The following GRK7 variants were observed in gnomAD, a reference collection of about 807,000 sequenced individuals.
GRK7 encodes G protein-coupled receptor kinase 7.
Under a neutral mutation model 34.1 loss-of-function variants are expected in GRK7, and 24 were observed. That is an observed-to-expected ratio of 0.70 (90% CI 0.51 to 0.99). GRK7 has a LOEUF of 0.99. Ranked by LOEUF, GRK7 falls within the 50% of genes least tolerant of loss-of-function variation. The pLI is 0.00. For missense variants in GRK7, 644 were observed against 707.3 expected, an observed-to-expected ratio of 0.91 and a Z score of 1.02; for synonymous variants, 256 against 279.4, an observed-to-expected ratio of 0.92 and a Z score of 0.84.
upstream of GRK7, among the ~76,000 whole-genome samples, chr3:141,759,539 G>A (rs1160816587): frequency 7.0e-6 from 1 of 141,938 alleles, no homozygotes; most frequent in Non-Finnish European, 1.5e-5. Flanking sequence ...TTTTTGATGT[G>A]CTGCTGGATT....
chr3:141,808,711 T>A (rs1711061189), intron 5 of GRK7, among the ~76,000 whole-genome samples: 1 of 151,062 alleles, frequency 6.6e-6, no homozygotes, highest in African/African-American at 2.4e-5. Context: ...AAACTCCATC[T>A]CAAAAAAAAA....
intron 4 of GRK7, among the ~76,000 whole-genome samples, chr3:141,791,464 C>T (rs1197851558): frequency 1.3e-5 from 2 of 152,132 alleles, no homozygotes; most frequent in Non-Finnish European, 2.9e-5. Flanking sequence ...ACACTTTGGC[C>T]TGACCAAAAG....
intron 4 of GRK7, among the ~76,000 whole-genome samples, chr3:141,805,064 ACAC>A: frequency 7.4e-6 from 1 of 134,400 alleles, no homozygotes; most frequent in African/African-American, 2.5e-5. Context: ...ATGCCCACAC[ACAC>A]ACACACACAC....
At chr3:141,811,046 G>T (rs1711087794) in intron 5 of GRK7, among the ~76,000 whole-genome samples, 3 of 152,148 alleles carry the variant, frequency 2.0e-5, no homozygotes, top group Admixed American at 2.0e-4. Flanking sequence ...CGGGCGCGGT[G>T]TCTCATACCT....
rs766517806 is a variant in GRK7, at chr3:141,807,705, C to A, written c.1111C>A (p.Pro371Thr). The A allele has an allele frequency of 3.7e-6, 6 of 1,613,940 alleles. No homozygotes were observed. The highest frequency in any genetic ancestry group is 5.1e-6 in the Non-Finnish European group (6 of 1,179,924). The change falls in exon 5 of 6, where the codon CCT becomes ACT. Residue 371 changes from proline to threonine, a missense_variant. Transcript: ENST00000682958. ...AATGGAAAAGGTAAGTTATTCCTAT[C>A]CTGTGGACTGGTTTGCCATGGGATG... ...ILMEKVSYSY[P>T]VDWFAMGCSI...
Position 141,778,502 on chromosome 3 carries a change from TC to T in GRK7, c.220del (p.Leu74Ter), listed in dbSNP as rs1185493690. On this transcript the variant is annotated frameshift_variant, in exon 3 of 6. Transcript: ENST00000682958. LOFTEE classifies it high-confidence loss of function. This position sits in a 1 kb window ranked among gnomAD's most constrained non-coding sequence, Gnocchi z 4.1. ...QPIGRRLFRD[F>X]LATVPTFRKA... The stretch of plus-strand genomic sequence containing the variant: ...ATCGGTCGCCGCCTCTTCCGTGACT[TC>T]CTAGCCACAGTGCCCACGTTCCGCA... 6.2e-7 allele frequency: 1 copy of T among 1,613,140 alleles called. No homozygotes were observed. Among genetic ancestry groups the T allele is most frequent in the Non-Finnish European group, 8.5e-7 (1 of 1,179,972 alleles).
chr3:141,793,811 T>C (rs2084736982), intron 4 of GRK7, among the ~76,000 whole-genome samples: 1 of 152,172 alleles, frequency 6.6e-6, no homozygotes, highest in African/African-American at 2.4e-5. Context: ...GAAATAAAAA[T>C]ATAGGGCCTC....
intron 5 of GRK7, among the ~76,000 whole-genome samples, 157 bp from the exon 6 acceptor site, chr3:141,816,557 A>G (rs1384299306): frequency 2.0e-5 from 3 of 152,238 alleles, no homozygotes; most frequent in Non-Finnish European, 4.4e-5. Flanking sequence ...GGTGATTTCA[A>G]AAGTTATTAT....
chr3:141,807,607 G>A, intron 4 of GRK7, 38 bp from the exon 5 acceptor site: 2 of 1,588,178 alleles, frequency 1.3e-6, no homozygotes, highest in Non-Finnish European at 1.7e-6. Flanking sequence ...TAGTGTCTTT[G>A]TTCTGTGTTG....
intron 5 of GRK7, among the ~76,000 whole-genome samples, chr3:141,816,365 A>AAG (rs1711153316): frequency 6.6e-6 from 1 of 152,128 alleles, no homozygotes; most frequent in Non-Finnish European, 1.5e-5. Context: ...TGTGACCCTG[A>AAG]AGAGGCAATG....
At chr3:141,807,963 T>G in intron 5 of GRK7, 44 bp downstream of exon 5, 1 of 1,501,222 alleles carries the variant, frequency 6.7e-7, no homozygotes, top group Non-Finnish European at 8.9e-7. Flanking sequence ...ACCAGTATTG[T>G]CCACAGGGAT....
intron 3 of GRK7, 73 bp from the exon 4 acceptor site, chr3:141,780,301 T>C: frequency 7.8e-7 from 1 of 1,276,790 alleles, no homozygotes. Context: ...ACCCACCTCC[T>C]CCTTTATCAT....
intron 4 of GRK7, among the ~76,000 whole-genome samples, chr3:141,787,507 C>A (rs545702689): frequency 1.3e-5 from 2 of 151,944 alleles, no homozygotes; most frequent in South Asian, 4.2e-4. Context: ...ACCTGTAATC[C>A]CAGCTACTCA....
the GRK7 span, among the ~76,000 whole-genome samples, chr3:141,750,556 T>C: frequency 2.0e-5 from 3 of 152,192 alleles, no homozygotes; most frequent in Non-Finnish European, 4.4e-5. Flanking sequence ...GCAAGAACAG[T>C]GCTTGACACA....
intron 2 of GRK7, among the ~76,000 whole-genome samples, chr3:141,775,467 T>G (rs1290456343): frequency 6.6e-6 from 1 of 152,146 alleles, no homozygotes; most frequent in Admixed American, 6.5e-5. Context: ...AAACAGATGA[T>G]AAGAAAAACT....
intron 4 of GRK7, among the ~76,000 whole-genome samples, chr3:141,785,351 C>T (rs1168727058): frequency 6.6e-6 from 1 of 152,236 alleles, no homozygotes. Flanking sequence ...GACAAGACCT[C>T]TGTTAAAAAT....
rs1474700230 is a variant in GRK7 at position 141,765,743 on chromosome 3, G to T, written c.-215+5G>T. ...CAACCATAAGAGTGAGTCCAGGTGA[G>T]ACCAGCAAAGAGCTGCCCAATCAAA... is the stretch of plus-strand genomic sequence containing the variant. On this transcript the variant is annotated splice_donor_5th_base_variant and intron_variant, in intron 1 of 5. Coordinates refer to ENST00000682958, the MANE Select transcript of GRK7 (RefSeq NM_139209.3). 6.6e-6 allele frequency among the ~76,000 whole-genome samples: 1 copy of T among 152,178 alleles called. No homozygotes were observed. The highest frequency in any genetic ancestry group is 2.1e-4 in the South Asian group (1 of 4,828).
chr3:141,778,664 G>A lies in GRK7; in HGVS notation c.380G>A (p.Ser127Asn). 6.2e-7 allele frequency: 1 copy of A among 1,613,536 alleles called. No individual in the cohort carries two copies. Among genetic ancestry groups the A allele is most frequent in the East Asian group, 2.2e-5 (1 of 44,884 alleles). ...CCGGGGAACCCGCAACCCTTCCTCA[G>A]CCAGGCCGTGGCCACCAAGTGCCAA... is the stretch of plus-strand genomic sequence containing the variant. ...PAPGNPQPFLSQAVATKCQAA... is the reference protein window; with the variant it reads ...PAPGNPQPFLNQAVATKCQAA... Residue 127 changes from serine (S) to asparagine (N), a missense_variant, in exon 3 of 6, where the codon AGC becomes AAC. Transcript: ENST00000682958. This position sits in a 1 kb window ranked among gnomAD's most constrained non-coding sequence, Gnocchi z 4.1.
At chr3:141,752,303 G>A in the GRK7 span, among the ~76,000 whole-genome samples, 22 of 152,234 alleles carry the variant, frequency 1.4e-4, no homozygotes, top group South Asian at 8.3e-4. Flanking sequence ...CTCAACCAGG[G>A]GTGATTTTAC....
Sources: gnomAD v4.1 joint callset for allele counts (sites outside exome capture counted in the v4.1 genomes callset) on GRCh38, gnomAD v4.1.1 for gene constraint, Gnocchi (gnomAD v3.1) non-coding constraint, MANE v1.5 for transcripts, NCBI Gene and HGNC (gene_info 2026-07-23, HGNC 2026-07-21) for gene names.